Variants in UGT2A1 observed in about 807,000 individuals in gnomAD.
The protein encoded by UGT2A1 is UDP-glucuronosyltransferase 2A1.
A neutral mutation model predicts 45.4 loss-of-function variants in UGT2A1; 61 were observed. The ratio of observed to expected loss-of-function variants is 1.34; its 90% confidence interval spans 1.09 to 1.66. The LOEUF (loss-of-function observed/expected upper bound fraction) is 1.66, where lower values mean the gene tolerates loss of function less well. Among genes scored for constraint, UGT2A1 ranks in the 40% most tolerant of loss-of-function variants. The probability of loss-of-function intolerance (pLI) is 0.00; values close to 1 mark genes in which losing one functional copy is unlikely to be tolerated. For synonymous variants in UGT2A1, 229 were observed against 196.2 expected (o/e 1.17, Z -1.40); for missense variants, 649 against 574.3 (o/e 1.13, Z -1.33).
chr4:69,640,728 G>A (rs774053432), intron 2 of UGT2A1, among the ~76,000 whole-genome samples: 1 of 151,784 alleles, frequency 6.6e-6, no homozygotes, highest in Non-Finnish European at 1.5e-5. Flanking sequence ...AGAACTGGGA[G>A]GACAGAGAAC....
At chr4:69,625,430 T>C (rs1366759441) in intron 3 of UGT2A1, among the ~76,000 whole-genome samples, 1 of 151,224 alleles carries the variant, frequency 6.6e-6, no homozygotes, top group Non-Finnish European at 1.5e-5. Context: ...GGATGTTTTG[T>C]TTATTTTGTG....
At chr4:69,602,813 C>T (rs1719373325) in intron 3 of UGT2A1, among the ~76,000 whole-genome samples, 1 of 136,800 alleles carries the variant, frequency 7.3e-6, no homozygotes, top group Non-Finnish European at 1.6e-5. Flanking sequence ...TGTCCATTCT[C>T]TAAAATCAAT....
chr4:69,613,112 C>T (rs1037196690), intron 3 of UGT2A1, among the ~76,000 whole-genome samples: 1 of 151,816 alleles, frequency 6.6e-6, no homozygotes, highest in Non-Finnish European at 1.5e-5. Flanking sequence ...ATACAATCAA[C>T]CTGCATACGA....
chr4:69,634,359 T>A (rs1012099420), intron 3 of UGT2A1, among the ~76,000 whole-genome samples: 3 of 151,998 alleles, frequency 2.0e-5, no homozygotes, highest in Non-Finnish European at 4.4e-5. Context: ...GACGAAAGAT[T>A]AACAGAAACT....
chr4:69,612,388 G>A (rs748523719), intron 3 of UGT2A1, among the ~76,000 whole-genome samples: 2 of 151,840 alleles, frequency 1.3e-5, no homozygotes, highest in African/African-American at 2.4e-5. Flanking sequence ...CACATAATTA[G>A]ATAAAAACTA....
rs17147520 is a variant in UGT2A1, at chr4:69,630,254, C to T, written c.847+5437G>A. Among the ~76,000 whole-genome samples, 841 of 151,972 alleles carry T rather than the reference C, an allele frequency of 5.5e-3. 30 individuals are homozygous for T. Among genetic ancestry groups the T allele is most frequent in the Admixed American group, 0.049 (755 of 15,260 alleles). On this transcript the variant is annotated intron_variant, in intron 3 of 6. Transcript: ENST00000286604. ...AGTTGGCTACGATTCATTTTTTTCT[C>T]CTGCAATTTTTGACGTAGTTGGAGT...
intron 3 of UGT2A1, among the ~76,000 whole-genome samples, chr4:69,615,987 C>T (rs7688383): frequency 0.35 from 53,284 of 151,782 alleles, 9,660 homozygotes; most frequent in Middle Eastern, 0.46. Context: ...TTCCCAATAG[C>T]CAAGATATGG....
chr4:69,628,153 T>C (rs777483641), intron 3 of UGT2A1, among the ~76,000 whole-genome samples: 4 of 151,934 alleles, frequency 2.6e-5, no homozygotes, highest in African/African-American at 4.8e-5. Context: ...GTTGAATATT[T>C]AATTTGTCTC....
intron 1 of UGT2A1, among the ~76,000 whole-genome samples, chr4:69,650,798 C>A (rs1431812516): frequency 1.3e-5 from 2 of 152,034 alleles, no homozygotes; most frequent in African/African-American, 4.8e-5. Context: ...GATGAAATGA[C>A]ATAGGTAAAG....
At chr4:69,629,415 T>G (rs1157514008) in intron 3 of UGT2A1, among the ~76,000 whole-genome samples, 1 of 152,024 alleles carries the variant, frequency 6.6e-6, no homozygotes, top group Non-Finnish European at 1.5e-5. Context: ...TGGAATACAG[T>G]GCCTAATAAG....
Position 69,594,480 on chromosome 4 carries a change from G to T in UGT2A1, c.1301C>A (p.Pro434His). The change falls in exon 6 of 7, where the codon CCT becomes CAT. Residue 434 changes from proline to histidine, a missense_variant. Coordinates refer to ENST00000286604, the MANE Select transcript of UGT2A1 (RefSeq NM_001252275.3). Reference protein sequence around the residue: ...LSALRTVINEPSYKENAMRLS... With the variant: ...LSALRTVINEHSYKENAMRLS... ...TTTTAGGAGCCTTAGTACTTACGAA[G>T]GTTCATTAATGACTGTTCTCAAAGC... 6.2e-7 allele frequency: 1 copy of T among 1,614,048 alleles called. No individual in the cohort carries two copies. The highest frequency in any genetic ancestry group is 8.5e-7 in the Non-Finnish European group (1 of 1,179,990).
chr4:69,640,014 A>C (rs1479043421), intron 2 of UGT2A1, among the ~76,000 whole-genome samples: 2 of 152,022 alleles, frequency 1.3e-5, no homozygotes, highest in Admixed American at 1.3e-4. Flanking sequence ...TTATAGGGTA[A>C]AATACTATGC....
chr4:69,616,617 C>G (rs1720403546), intron 3 of UGT2A1, among the ~76,000 whole-genome samples: 1 of 151,846 alleles, frequency 6.6e-6, no homozygotes, highest in Admixed American at 6.6e-5. Context: ...TCCTGTAAAG[C>G]CACTGGCTTA....
chr4:69,628,445 C>A (rs1025298715), intron 3 of UGT2A1, among the ~76,000 whole-genome samples: 1 of 151,618 alleles, frequency 6.6e-6, no homozygotes, highest in Non-Finnish European at 1.5e-5. Flanking sequence ...AAGAAACCTA[C>A]CCATATATGG....
intron 3 of UGT2A1, among the ~76,000 whole-genome samples, chr4:69,619,075 A>G (rs940269871): frequency 2.0e-5 from 3 of 151,890 alleles, no homozygotes; most frequent in Non-Finnish European, 2.9e-5. Flanking sequence ...TTATATCAGA[A>G]AAAAGTTTAT....
intron 2 of UGT2A1, 31 bp from the exon 3 acceptor site, chr4:69,635,853 G>C (rs750214520): frequency 1.5e-5 from 1 of 65,812 alleles, no homozygotes; most frequent in African/African-American, 5.0e-5. Context: ...AAAAAAAAGA[G>C]AGAGAGAGAG....
rs1212208416 is a variant in UGT2A1, at chr4:69,588,750, C to A, written c.*622G>T. 1.3e-5 allele frequency: 2 copies of A among 151,992 alleles called. No homozygotes were observed. The highest frequency in any genetic ancestry group is 2.9e-5 in the Non-Finnish European group (2 of 68,018). 9.4% of individuals were successfully genotyped at this position (151,992 alleles called of 1,614,324 possible). A position where few individuals can be genotyped will look rare whatever the true frequency, so the allele number is the denominator to read the frequency against. On this transcript the variant is annotated 3_prime_UTR_variant, in exon 7 of 7. Coordinates refer to ENST00000286604, the MANE Select transcript of UGT2A1 (RefSeq NM_001252275.3). Reference sequence around the variant, plus strand: ...AGAATATATGTTGAAGAAAGGCAGGCAAGTTATGCCGTGATTTTCTAGATA... The same window carrying A: ...AGAATATATGTTGAAGAAAGGCAGGAAAGTTATGCCGTGATTTTCTAGATA...
intron 1 of UGT2A1, among the ~76,000 whole-genome samples, chr4:69,648,492 A>T (rs1415614743): frequency 1.3e-5 from 2 of 151,960 alleles, no homozygotes; most frequent in Non-Finnish European, 2.9e-5. Flanking sequence ...TTCAGCCTTC[A>T]ACAACTGCTA....
At position 69,588,669 on chromosome 4, in the gene UGT2A1, G is replaced by T. The variant is rs183196074; in HGVS notation, c.*703C>A. The stretch of plus-strand genomic sequence containing the variant: ...AGAACTTTCTCCTTGAAATAAAAGA[G>T]TCGATTGATTGATTTATTAAAGACA... On this transcript the variant is annotated 3_prime_UTR_variant, in exon 7 of 7. Transcript: ENST00000286604. 3.9e-5 allele frequency: 6 copies of T among 152,044 alleles called. No homozygotes were observed. The highest frequency in any genetic ancestry group is 3.9e-4 in the Admixed American group (6 of 15,246). 9.4% of individuals were successfully genotyped at this position (152,044 alleles called of 1,614,324 possible). A position where few individuals can be genotyped will look rare whatever the true frequency, so the allele number is the denominator to read the frequency against.
Sources: gnomAD v4.1 joint callset for allele counts (sites outside exome capture counted in the v4.1 genomes callset) on GRCh38, gnomAD v4.1.1 for gene constraint, MANE v1.5 for transcripts, NCBI Gene and HGNC (gene_info 2026-07-23, HGNC 2026-07-21) for gene names.